The following AGMO variants were observed in gnomAD, a reference collection of about 807,000 sequenced individuals.
AGMO encodes glyceryl-ether monooxygenase.
In AGMO, 75 loss-of-function variants were observed where a neutral mutation model predicts 60.2. The observed-to-expected ratio is 1.25, with a 90% CI of 1.03 to 1.51. The LOEUF (loss-of-function observed/expected upper bound fraction) is 1.51, where lower values mean the gene tolerates loss of function less well. Among genes scored for constraint, AGMO ranks in the 40% most tolerant of loss-of-function variants. AGMO has a pLI of 0.00. For synonymous variants in AGMO, 261 were observed against 177.1 expected, an observed-to-expected ratio of 1.47 and a Z score of -3.76; for missense variants, 763 against 525.5, an observed-to-expected ratio of 1.45 and a Z score of -4.42.
chr7:15,349,770 A>T (rs1369908546), intron 12 of AGMO, among the ~76,000 whole-genome samples: 1 of 152,138 alleles, frequency 6.6e-6, no homozygotes, highest in East Asian at 1.9e-4. Flanking sequence ...GTGACAGAAG[A>T]AAAGAATGGG....
At chr7:15,540,513 C>A (rs1784598571) in intron 3 of AGMO, among the ~76,000 whole-genome samples, 1 of 152,226 alleles carries the variant, frequency 6.6e-6, no homozygotes, top group Admixed American at 6.5e-5. Flanking sequence ...TCCCTCCAGC[C>A]CCTTAAATTG....
chr7:15,252,962 A>G (rs1329431175), intron 12 of AGMO, among the ~76,000 whole-genome samples: 1 of 152,198 alleles, frequency 6.6e-6, no homozygotes, highest in Non-Finnish European at 1.5e-5. Flanking sequence ...TAAAAGATAA[A>G]ATAAATTGAG....
chr7:15,193,526 G>C, the AGMO span, among the ~76,000 whole-genome samples: 1 of 152,086 alleles, frequency 6.6e-6, no homozygotes, highest in African/African-American at 2.4e-5. Flanking sequence ...GGGTGTCAGA[G>C]TTAAATCTCA....
At chr7:15,415,837 T>C (rs2128493578) in intron 5 of AGMO, among the ~76,000 whole-genome samples, 1 of 152,164 alleles carries the variant, frequency 6.6e-6, no homozygotes, top group African/African-American at 2.4e-5. Context: ...TTGCTATCTT[T>C]AGTGAATTCA....
intron 2 of AGMO, among the ~76,000 whole-genome samples, chr7:15,555,892 CCAA>C (rs1239577771): frequency 3.3e-5 from 5 of 151,916 alleles, no homozygotes; most frequent in Non-Finnish European, 5.9e-5. Context: ...AATTAACAAA[CCAA>C]CAAGTTTTTA....
chr7:15,255,360 TA>T (rs1037110274), intron 12 of AGMO, among the ~76,000 whole-genome samples: 14 of 151,962 alleles, frequency 9.2e-5, no homozygotes, highest in African/African-American at 3.4e-4. Context: ...TAAAGCACAA[TA>T]AAAAAAGTTT....
intron 8 of AGMO, among the ~76,000 whole-genome samples, chr7:15,388,532 C>A (rs1268988590): frequency 6.6e-6 from 1 of 152,102 alleles, no homozygotes; most frequent in Non-Finnish European, 1.5e-5. Context: ...TTCTATCATT[C>A]TGGACACAAG....
intron 12 of AGMO, among the ~76,000 whole-genome samples, chr7:15,325,561 G>C (rs1280437781): frequency 6.6e-6 from 1 of 151,734 alleles, no homozygotes; most frequent in Non-Finnish European, 1.5e-5. Flanking sequence ...ACATACAAAA[G>C]GACTCTATTT....
At chr7:15,543,985 A>G (rs2115278733) in intron 3 of AGMO, among the ~76,000 whole-genome samples, 1 of 152,120 alleles carries the variant, frequency 6.6e-6, no homozygotes, top group South Asian at 2.1e-4. Context: ...GCCCATCAAG[A>G]AATGAGCAGA....
chr7:15,456,895 A>G (rs1446314530), intron 3 of AGMO, among the ~76,000 whole-genome samples: 1 of 152,066 alleles, frequency 6.6e-6, no homozygotes, highest in Non-Finnish European at 1.5e-5. Context: ...TTATTGCTCA[A>G]TGTTGTTGGG....
intron 3 of AGMO, among the ~76,000 whole-genome samples, chr7:15,482,467 T>C (rs1050969005): frequency 1.8e-4 from 27 of 152,064 alleles, no homozygotes; most frequent in Admixed American, 1.6e-3. Context: ...TTAGAAAATC[T>C]CCACGGTGAC....
chr7:15,515,162 T>A (rs879708334), intron 3 of AGMO, among the ~76,000 whole-genome samples: 6 of 152,302 alleles, frequency 3.9e-5, no homozygotes, highest in Non-Finnish European at 7.4e-5. Context: ...TCTTTCAATG[T>A]GAGGAATCAC....
chr7:15,219,035 A>G (rs1266543018), intron 12 of AGMO, among the ~76,000 whole-genome samples: 1 of 152,228 alleles, frequency 6.6e-6, no homozygotes, highest in Non-Finnish European at 1.5e-5. Context: ...ATGTTAGATA[A>G]GAGAAAGTAT....
chr7:15,314,961 C>A (rs1780873447), intron 12 of AGMO, among the ~76,000 whole-genome samples: 1 of 152,018 alleles, frequency 6.6e-6, no homozygotes, highest in South Asian at 2.1e-4. Context: ...CTGTAGGGAC[C>A]CCAATGTAAG....
intron 10 of AGMO, among the ~76,000 whole-genome samples, chr7:15,377,099 G>C (rs1383098122): frequency 6.6e-6 from 1 of 152,030 alleles, no homozygotes; most frequent in South Asian, 2.1e-4. Flanking sequence ...TGGCTACAGT[G>C]AATCTGGAAA....
chr7:15,293,222 C>A (rs901970313), intron 12 of AGMO, among the ~76,000 whole-genome samples: 1 of 152,088 alleles, frequency 6.6e-6, no homozygotes, highest in Non-Finnish European at 1.5e-5. Flanking sequence ...AGACTCTGGC[C>A]GCTTATATCC....
chr7:15,328,613 G>T (rs1446057289), intron 12 of AGMO, among the ~76,000 whole-genome samples: 3 of 152,256 alleles, frequency 2.0e-5, no homozygotes, highest in Admixed American at 1.3e-4. Flanking sequence ...ATGCCCGGAA[G>T]CAGCCATTAA....
intron 9 of AGMO, among the ~76,000 whole-genome samples, chr7:15,386,693 T>A (rs1005190042): frequency 5.3e-5 from 8 of 152,278 alleles, no homozygotes; most frequent in South Asian, 2.1e-4. Context: ...ACACATAGTA[T>A]CATCCTTGAA....
chr7:15,220,438 C>G (rs938521132), intron 12 of AGMO, among the ~76,000 whole-genome samples: 4 of 151,282 alleles, frequency 2.6e-5, no homozygotes, highest in South Asian at 4.2e-4. Flanking sequence ...AGGTTGATCT[C>G]GAACTCTGAG....
Sources: gnomAD v4.1 joint callset for allele counts (sites outside exome capture counted in the v4.1 genomes callset) on GRCh38, gnomAD v4.1.1 for gene constraint, MANE v1.5 for transcripts, NCBI Gene and HGNC (gene_info 2026-07-23, HGNC 2026-07-21) for gene names.